Variants in TDP1 observed in about 807,000 individuals in gnomAD.
TDP1 encodes tyrosyl-DNA phosphodiesterase 1.
A neutral mutation model predicts 81.5 loss-of-function variants in TDP1; 64 were observed. That is an observed-to-expected ratio of 0.79 (90% CI 0.64 to 0.97). The LOEUF (loss-of-function observed/expected upper bound fraction) is 0.97, where lower values mean the gene tolerates loss of function less well. Ranked by LOEUF, TDP1 falls within the 50% of genes least tolerant of loss-of-function variation. The pLI is 0.00. For synonymous variants in TDP1, 256 were observed against 264.3 expected (o/e 0.97, Z 0.30); for missense variants, 723 against 743.8 (o/e 0.97, Z 0.33).
intron 6 of TDP1, among the ~76,000 whole-genome samples, chr14:89,974,949 A>C (rs1270288531): frequency 6.6e-6 from 1 of 152,260 alleles, no homozygotes; most frequent in Non-Finnish European, 1.5e-5. Flanking sequence ...TAGTTTGTAA[A>C]GGTGTCATTT....
intron 14 of TDP1, among the ~76,000 whole-genome samples, chr14:90,015,916 G>A (rs1303758205): frequency 1.3e-5 from 2 of 152,098 alleles, no homozygotes; most frequent in Non-Finnish European, 2.9e-5. Context: ...CTAACACTCG[G>A]TAATGGTCAA....
At chr14:90,040,464 C>T (rs189733036) in intron 16 of TDP1, among the ~76,000 whole-genome samples, 19 of 152,312 alleles carry the variant, frequency 1.2e-4, no homozygotes, top group Admixed American at 7.8e-4. Context: ...CTCATGTCAG[C>T]CAGGTTAGGG....
chr14:89,980,212 A>G (rs1894816559), intron 7 of TDP1: 2 of 985,472 alleles, frequency 2.0e-6, no homozygotes, highest in South Asian at 9.4e-5. Flanking sequence ...ACACCAGACC[A>G]GAAGGTTCCA....
At chr14:90,019,950 T>A (rs1416718005) in intron 15 of TDP1, among the ~76,000 whole-genome samples, 1 of 152,136 alleles carries the variant, frequency 6.6e-6, no homozygotes, top group African/African-American at 2.4e-5. Flanking sequence ...CGGCTAGAGT[T>A]TGGCTGGGCG....
chr14:90,013,959 A>G (rs1359780724), intron 14 of TDP1, among the ~76,000 whole-genome samples: 1 of 152,318 alleles, frequency 6.6e-6, no homozygotes, highest in South Asian at 2.1e-4. Context: ...CTGTGAGTCC[A>G]TTAAACCTCT....
chr14:90,014,467 T>C (rs1361606832), intron 14 of TDP1, among the ~76,000 whole-genome samples: 1 of 152,184 alleles, frequency 6.6e-6, no homozygotes, highest in African/African-American at 2.4e-5. Context: ...GGAGTCATGG[T>C]TTCCCCTCCA....
At position 89,989,576 on chromosome 14, in the gene TDP1, A is replaced by G; in HGVS notation, c.1318-141A>G. On this transcript the variant is annotated intron_variant, in intron 11 of 16. Coordinates refer to ENST00000335725, the MANE Select transcript of TDP1 (RefSeq NM_018319.4). ...ATTACTAGTTCATTTTTTTCATAAG[A>G]TGAGAACTTTTAAAAATTTAAAGCA... 4 of 1,109,968 alleles carry G rather than the reference A, an allele frequency of 3.6e-6. No individual in the cohort carries two copies. The South Asian group carries it at 6.5e-5, about 18-fold the overall frequency. The allele number at this position is 1,109,968 out of a possible 1,614,324, so 68.8% of individuals were successfully genotyped here.
intron 15 of TDP1, among the ~76,000 whole-genome samples, chr14:90,024,204 CGT>C (rs935557971): frequency 6.6e-6 from 1 of 152,162 alleles, no homozygotes; most frequent in Non-Finnish European, 1.5e-5. Context: ...CCTAACCTCT[CGT>C]TCCTGGTACT....
intron 13 of TDP1, 111 bp from the exon 14 acceptor site, chr14:89,993,265 C>T (rs1242757397): frequency 2.4e-6 from 3 of 1,255,048 alleles, no homozygotes. Context: ...AGTCGTGTAG[C>T]CACTGTTGAT....
chr14:90,004,907 A>G (rs1897526140), intron 14 of TDP1, among the ~76,000 whole-genome samples: 1 of 152,174 alleles, frequency 6.6e-6, no homozygotes, highest in South Asian at 2.1e-4. Context: ...CCCTCCAGCT[A>G]TCTCAGGTCT....
chr14:90,015,472 C>T (rs576415298), intron 14 of TDP1, among the ~76,000 whole-genome samples: 7 of 152,320 alleles, frequency 4.6e-5, no homozygotes, highest in African/African-American at 1.7e-4. Flanking sequence ...GGCAAGGGGA[C>T]AATAAACTGC....
At chr14:89,990,318 TA>T (rs1159367805) in intron 12 of TDP1, among the ~76,000 whole-genome samples, 2 of 152,202 alleles carry the variant, frequency 1.3e-5, no homozygotes, top group East Asian at 3.8e-4. Context: ...TACCAGGCAC[TA>T]AACCTTTATT....
intron 15 of TDP1, among the ~76,000 whole-genome samples, chr14:90,019,749 A>G (rs1318185351): frequency 6.6e-6 from 1 of 152,188 alleles, no homozygotes; most frequent in Non-Finnish European, 1.5e-5. Context: ...CACCAAAGGA[A>G]TGGCCCAATC....
At chr14:90,027,103 A>G (rs746435169) in intron 15 of TDP1, among the ~76,000 whole-genome samples, 15 of 152,146 alleles carry the variant, frequency 9.9e-5, no homozygotes, top group Non-Finnish European at 2.1e-4. Context: ...CTATTTCCCC[A>G]CATCCTCTCT....
At chr14:89,961,531 T>C (rs1458161337) in intron 2 of TDP1, among the ~76,000 whole-genome samples, 1 of 152,218 alleles carries the variant, frequency 6.6e-6, no homozygotes, top group Non-Finnish European at 1.5e-5. Context: ...GTCTTGTTTA[T>C]GATTTAGTGT....
intron 14 of TDP1, among the ~76,000 whole-genome samples, chr14:90,010,548 A>G (rs1270811654): frequency 6.6e-6 from 1 of 152,134 alleles, no homozygotes; most frequent in Non-Finnish European, 1.5e-5. Context: ...AATCACAAAG[A>G]TACTTAAAAG....
chr14:89,958,564 A>G (rs149865145), intron 2 of TDP1, among the ~76,000 whole-genome samples: 4 of 152,348 alleles, frequency 2.6e-5, no homozygotes, highest in Admixed American at 1.3e-4. Context: ...GTATGCAAAA[A>G]AGGCTAAAAC....
At chr14:90,029,719 G>A (rs989461086) in intron 15 of TDP1, among the ~76,000 whole-genome samples, 2 of 151,796 alleles carry the variant, frequency 1.3e-5, no homozygotes, top group Admixed American at 6.6e-5. Flanking sequence ...GGCTGGTCTC[G>A]AACTCCTGAC....
chr14:89,985,308 C>A, intron 10 of TDP1, 98 bp downstream of exon 10: 1 of 719,670 alleles, frequency 1.4e-6, no homozygotes, highest in Non-Finnish European at 2.4e-6. Flanking sequence ...CACAATATTT[C>A]TGCACAATTC....
Sources: allele counts gnomAD v4.1 joint callset (sites outside exome capture counted in the v4.1 genomes callset), GRCh38; gene constraint gnomAD v4.1.1; transcripts MANE v1.5; gene names NCBI Gene and HGNC (gene_info 2026-07-23, HGNC 2026-07-21).